KLC2: variants seen among roughly 807,000 people sequenced by gnomAD.
KLC2 encodes the protein kinesin light chain 2, also known as KLC 2.
KLC2 carries 35 observed loss-of-function variants against 75.1 expected under a neutral mutation model. That is an observed-to-expected ratio of 0.47 (90% CI 0.36 to 0.62). KLC2 has a LOEUF of 0.62. Among genes scored for constraint, KLC2 ranks in the 20% least tolerant of loss-of-function variants. KLC2 has a pLI of 0.00. For missense variants in KLC2, 611 were observed against 833.2 expected, an observed-to-expected ratio of 0.73 and a Z score of 3.28; for synonymous variants, 314 against 336.7, an observed-to-expected ratio of 0.93 and a Z score of 0.74.
the KLC2 span, among the ~76,000 whole-genome samples, chr11:66,247,901 T>C: frequency 2.0e-5 from 3 of 152,128 alleles, no homozygotes; most frequent in Admixed American, 2.0e-4. Flanking sequence ...GGTTTTCTCA[T>C]AGGCTCAGAA....
chr11:66,262,966 C>G lies in KLC2; in HGVS notation c.682C>G (p.Leu228Val). The G allele has an allele frequency of 1.2e-6, 2 of 1,614,064 alleles. No homozygotes were observed. Among genetic ancestry groups the G allele is most frequent in the Non-Finnish European group, 1.7e-6 (2 of 1,179,984 alleles). The change falls in exon 5 of 16, where the codon CTG becomes GTG. Residue 228 changes from leucine to valine, a missense_variant. Physicochemically the swap from Leu to Val is conservative, Grantham distance 32 (BLOSUM62 1). Coordinates refer to ENST00000394067, the MANE Select transcript of KLC2 (RefSeq NM_001318734.2). ...VPLCKQALED[L>V]EKTSGHDHPD... ...ACTCTGCAAGCAGGCACTCGAAGACCTGGAGAAGACGTCAGGCCACGACCA... is the reference window on the plus strand; with the variant it reads ...ACTCTGCAAGCAGGCACTCGAAGACGTGGAGAAGACGTCAGGCCACGACCA...
rs1227812830 is a variant in KLC2, at chr11:66,267,178, C to T, written c.*222C>T. On this transcript the variant is annotated 3_prime_UTR_variant, in exon 16 of 16. Transcript: ENST00000394067. ...CTTATTTATTCCTTCCAGCAGGGCC[C>T]TCTTCCCTAGGTTCGGGCCAGCAGG... 6.5e-7 allele frequency: 1 copy of T among 1,549,032 alleles called. No homozygotes were observed. The highest frequency in any genetic ancestry group is 1.2e-5 in the South Asian group (1 of 83,944).
upstream of KLC2, chr11:66,257,179 A>G (rs1407446622): frequency 6.6e-6 from 1 of 152,260 alleles, no homozygotes. Flanking sequence ...AGCCAAACGT[A>G]GTAAGCTACC....
At chr11:66,249,191 T>C in the KLC2 span, among the ~76,000 whole-genome samples, 1 of 152,228 alleles carries the variant, frequency 6.6e-6, no homozygotes. Context: ...ATGGAGGTTA[T>C]AGGTTGTGGG....
At position 66,263,649 on chromosome 11, in the gene KLC2, C is replaced by T. The variant is rs149157563; in HGVS notation, c.753-11C>T. The T allele has an allele frequency of 2.5e-4, 396 of 1,603,892 alleles. No individual in the cohort carries two copies. The East Asian group carries it at 3.8e-3, about 16-fold the overall frequency. Reference sequence around the variant, plus strand: ...GAGGACAGCCCTGACCATGCTCCTACCTGCTCCCAGGGATCAGAACAAGTA... The same window carrying T: ...GAGGACAGCCCTGACCATGCTCCTATCTGCTCCCAGGGATCAGAACAAGTA... On this transcript the variant is annotated splice_polypyrimidine_tract_variant and intron_variant, in intron 5 of 15. Coordinates refer to ENST00000394067, the MANE Select transcript of KLC2 (RefSeq NM_001318734.2).
chr11:66,245,742 C>T, the KLC2 span, among the ~76,000 whole-genome samples: 1 of 149,408 alleles, frequency 6.7e-6, no homozygotes, highest in Non-Finnish European at 1.5e-5. Flanking sequence ...TTTTGCCGGG[C>T]GTGGTGGTAT....
Position 66,265,200 on chromosome 11 carries a change from A to T in KLC2, c.1299A>T (p.Glu433Asp), listed in dbSNP as rs1226798548. 3.8e-6 allele frequency: 6 copies of T among 1,598,660 alleles called. No homozygotes were observed. The highest frequency in any genetic ancestry group is 1.3e-5 in the African/African-American group (1 of 74,678). The change falls in exon 11 of 16, where the codon GAA becomes GAT. Residue 433 changes from glutamate (E) to aspartate (D), a missense_variant. Transcript: ENST00000394067. Reference sequence around the variant, plus strand: ...GCCGGGACAGCGCCCCCTATGGGGAATACGGCAGCTGGTACAAGGCCTGTA... The same window carrying T: ...GCCGGGACAGCGCCCCCTATGGGGATTACGGCAGCTGGTACAAGGCCTGTA... ...DKRRDSAPYG[E>D]YGSWYKACKV...
intron 2 of KLC2, among the ~76,000 whole-genome samples, chr11:66,260,348 G>A (rs1325670356): frequency 1.3e-5 from 2 of 152,188 alleles, no homozygotes; most frequent in Non-Finnish European, 2.9e-5. Context: ...TGGAGCACGT[G>A]CACTCTCACA....
At chr11:66,264,504 G>A in intron 9 of KLC2, 60 bp downstream of exon 9, 1 of 1,242,604 alleles carries the variant, frequency 8.0e-7, no homozygotes, top group Non-Finnish European at 1.2e-6. Context: ...TCTGCCATCA[G>A]CACCCAGGAC....
At position 66,267,151 on chromosome 11, in the gene KLC2, C is replaced by A; in HGVS notation, c.*195C>A. The A allele has an allele frequency of 6.5e-7, 1 of 1,542,254 alleles. No homozygotes were observed. The highest frequency in any genetic ancestry group is 8.8e-7 in the Non-Finnish European group (1 of 1,142,076). On this transcript the variant is annotated 3_prime_UTR_variant, in exon 16 of 16. Coordinates refer to ENST00000394067, the MANE Select transcript of KLC2 (RefSeq NM_001318734.2). ...CTGGGCCTGCCCACTCCAGCTCCAT[C>A]CCTTATTTATTCCTTCCAGCAGGGC... is the stretch of plus-strand genomic sequence containing the variant.
intron 14 of KLC2, 101 bp downstream of exon 14, chr11:66,266,318 C>T: frequency 2.0e-6 from 3 of 1,488,428 alleles, no homozygotes; most frequent in African/African-American, 2.8e-5. Flanking sequence ...CCTCCCCATC[C>T]CTCTCAGGCT....
Position 66,266,467 on chromosome 11 carries a change from A to G in KLC2, c.1762A>G (p.Lys588Glu), listed in dbSNP as rs1242067171. 2 of 1,613,232 alleles carry G rather than the reference A, an allele frequency of 1.2e-6. No homozygotes were observed. The highest frequency in any genetic ancestry group is 4.5e-5 in the East Asian group (2 of 44,832). ...GGCCAGTTCCCTCAACTTCCTCAAC[A>G]AGAGCGTGGAAGAGCCGACCCAGGT... is the stretch of plus-strand genomic sequence containing the variant. ...KRASSLNFLN[K>E]SVEEPTQPGG... The change falls in exon 15 of 16, where the codon AAG becomes GAG. Residue 588 changes from lysine to glutamate, a missense_variant. Transcript: ENST00000394067.
At position 66,267,592 on chromosome 11, in the gene KLC2, C is replaced by T; in HGVS notation, c.*636C>T. 1 of 609,772 alleles carries T rather than the reference C, an allele frequency of 1.6e-6. No individual in the cohort carries two copies. The allele number at this position is 609,772 out of a possible 1,614,324, so 37.8% of individuals were successfully genotyped here. A position where few individuals can be genotyped will look rare whatever the true frequency, so the allele number is the denominator to read the frequency against. On this transcript the variant is annotated 3_prime_UTR_variant, in exon 16 of 16. Transcript: ENST00000394067. The stretch of plus-strand genomic sequence containing the variant: ...CCCCGTGGCCCAGGACGGGGACCTC[C>T]CCTTAGTCCGTCCTCCCACCGCCGG...
chr11:66,247,932 C>T, the KLC2 span, among the ~76,000 whole-genome samples: 2 of 152,084 alleles, frequency 1.3e-5, no homozygotes, highest in African/African-American at 4.8e-5. Flanking sequence ...AGACTCCTAC[C>T]CCGGGCAAAG....
Position 66,264,415 on chromosome 11 carries a change from C to T in KLC2, c.1187C>T (p.Ala396Val). The T allele has an allele frequency of 1.9e-6, 3 of 1,613,596 alleles. No individual in the cohort carries two copies. Among genetic ancestry groups the T allele is most frequent in the African/African-American group, 1.3e-5 (1 of 75,028 alleles). The change falls in exon 9 of 16, where the codon GCT becomes GTT. Residue 396 changes from alanine (A) to valine (V), a missense_variant. Ala to Val is a moderately conservative substitution (Grantham distance 64, BLOSUM62 0). Transcript: ENST00000394067. ...TTGTACAAGGAGATCCTCACCCGCG[C>T]TCATGAGAAAGAGTTTGGCTCTGTC... is the stretch of plus-strand genomic sequence containing the variant. ...ETLYKEILTR[A>V]HEKEFGSVNG...
intron 14 of KLC2, 81 bp from the exon 15 acceptor site, chr11:66,266,352 T>G: frequency 3.7e-6 from 4 of 1,072,166 alleles, no homozygotes; most frequent in Non-Finnish European, 5.6e-6. Context: ...GTCTGTTCCC[T>G]CCCCAGCCCC....
Position 66,266,215 on chromosome 11 carries a change from CAGGTGAGCCCCCCACCA to C in KLC2, c.1727+8_1727+24del. The C allele has an allele frequency of 7.5e-6, 12 of 1,599,852 alleles. No homozygotes were observed. The highest frequency in any genetic ancestry group is 1.0e-5 in the Non-Finnish European group (12 of 1,172,872). Reference sequence around the variant, plus strand: ...GCACCCCCCAGGAGCCCCCTAACCCCAGGTGAGCCCCCCACCAAGGTGAGCCTCAAGAACCACCCAGC... The same window carrying C: ...GCACCCCCCAGGAGCCCCCTAACCCCAGGTGAGCCTCAAGAACCACCCAGC... On this transcript the variant is annotated splice_donor_variant and splice_donor_5th_base_variant and coding_sequence_variant and intron_variant, in exon 14 of 16. Coordinates refer to ENST00000394067, the MANE Select transcript of KLC2 (RefSeq NM_001318734.2). LOFTEE classifies it high-confidence loss of function.
At chr11:66,261,165 G>GA (rs1856386386) in intron 2 of KLC2, 1 of 152,466 alleles carries the variant, frequency 6.6e-6, no homozygotes, top group Admixed American at 6.5e-5. Context: ...AGAGGCTGGG[G>GA]AGAGGGGTGG....
chr11:66,252,347 G>GC (rs1565164167), upstream of KLC2, among the ~76,000 whole-genome samples: 5 of 152,076 alleles, frequency 3.3e-5, no homozygotes, highest in Admixed American at 6.6e-5. Flanking sequence ...GTGCAGTGGC[G>GC]CGATCTCGGC....
Sources: gnomAD v4.1 joint callset for allele counts (sites outside exome capture counted in the v4.1 genomes callset) on GRCh38, gnomAD v4.1.1 for gene constraint, MANE v1.5 for transcripts, NCBI Gene and HGNC (gene_info 2026-07-23, HGNC 2026-07-21) for gene names.